Variants in RALA observed in about 807,000 individuals in gnomAD.
RALA encodes the protein ras-related protein Ral-A.
RALA carries 5 observed loss-of-function variants against 24.0 expected under a neutral mutation model. The observed-to-expected ratio is 0.21, with a 90% confidence interval of 0.11 to 0.44. The LOEUF is 0.44. Ranked by LOEUF, RALA falls within the 20% of genes least tolerant of loss-of-function variation. The pLI is 0.99. For missense variants in RALA, 95 were observed against 241.2 expected (o/e 0.39, Z 4.01); for synonymous variants, 77 against 83.8 (o/e 0.92, Z 0.44).
chr7:39,654,993 C>T (rs146282094), intron 1 of RALA, among the ~76,000 whole-genome samples: 46 of 152,364 alleles, frequency 3.0e-4, no homozygotes, highest in African/African-American at 1.1e-3. Flanking sequence ...AAGCAATCCT[C>T]CTGCTTTGGC....
chr7:39,688,558 G>A (rs188140623), intron 2 of RALA, among the ~76,000 whole-genome samples: 18 of 150,050 alleles, frequency 1.2e-4, no homozygotes, highest in Non-Finnish European at 2.5e-4. Context: ...GAAGCCAAAA[G>A]TAAGAATATT....
rs1288275125 is a variant in RALA, at chr7:39,707,350, T to C, written c.*1105T>C. On this transcript the variant is annotated 3_prime_UTR_variant, in exon 5 of 5. Transcript: ENST00000005257. ...TGCCATCTGTTCATTTCTAAATTTA[T>C]ATTCATAAAGTTACAGTTTGATACA... 1.3e-5 allele frequency: 2 copies of C among 152,232 alleles called. No homozygotes were observed. Among genetic ancestry groups the C allele is most frequent in the South Asian group, 2.1e-4 (1 of 4,830 alleles). The allele number at this position is 152,232 out of a possible 1,614,324, so 9.4% of individuals were successfully genotyped here.
chr7:39,636,650 G>T (rs1562607654), intron 1 of RALA, among the ~76,000 whole-genome samples: 1 of 152,138 alleles, frequency 6.6e-6, no homozygotes, highest in African/African-American at 2.4e-5. Flanking sequence ...TGTGTTTGAT[G>T]TTATACTAGT....
intron 4 of RALA, among the ~76,000 whole-genome samples, chr7:39,698,747 TGTG>T (rs752923192): frequency 5.3e-5 from 8 of 152,116 alleles, no homozygotes; most frequent in Non-Finnish European, 1.2e-4. Flanking sequence ...TAACAGTCCT[TGTG>T]GTGATCATCT....
At chr7:39,640,890 AT>A (rs1252085556) in intron 1 of RALA, among the ~76,000 whole-genome samples, 2 of 152,074 alleles carry the variant, frequency 1.3e-5, no homozygotes, top group Non-Finnish European at 2.9e-5. Flanking sequence ...GAATTTTGCC[AT>A]TTTTTTCCTC....
chr7:39,625,335 C>T (rs979932389), intron 1 of RALA, among the ~76,000 whole-genome samples: 1 of 152,150 alleles, frequency 6.6e-6, no homozygotes, highest in Non-Finnish European at 1.5e-5. Context: ...AACTTGTATT[C>T]TAGTGTTAAA....
intron 3 of RALA, 115 bp downstream of exon 3, chr7:39,690,705 G>T: frequency 1.3e-6 from 1 of 792,208 alleles, no homozygotes; most frequent in East Asian, 2.7e-5. Flanking sequence ...GTCTCTAATT[G>T]TGTTTATTCC....
In RALA at chr7:39,698,633, G is replaced by A. The variant is rs192347694; in HGVS notation, c.498+1774G>A. Among the ~76,000 whole-genome samples, 251 of 152,188 alleles carry A rather than the reference G, an allele frequency of 1.6e-3. 1 individual carries two copies. The highest frequency in any genetic ancestry group is 5.5e-3 in the African/African-American group (230 of 41,520). ...ATAGCATATATATACTTTTCTAATC[G>A]ATGTTTCGAGTAGGTTGTAGAACAC... On this transcript the variant is annotated intron_variant, in intron 4 of 4. Transcript: ENST00000005257.
chr7:39,655,119 T>A (rs1426928470), intron 1 of RALA, among the ~76,000 whole-genome samples: 1 of 152,244 alleles, frequency 6.6e-6, no homozygotes, highest in African/African-American at 2.4e-5. Context: ...AAAGTGATTC[T>A]TTCTTTACTG....
intron 1 of RALA, among the ~76,000 whole-genome samples, chr7:39,638,429 G>A (rs952503756): frequency 3.9e-5 from 6 of 152,114 alleles, no homozygotes; most frequent in African/African-American, 9.7e-5. Context: ...TTAATGTTAA[G>A]GCATGTGTCA....
At chr7:39,668,151 CAAT>C (rs1792316000) in intron 1 of RALA, among the ~76,000 whole-genome samples, 1 of 152,096 alleles carries the variant, frequency 6.6e-6, no homozygotes, top group Non-Finnish European at 1.5e-5. Flanking sequence ...TTAGAAATAA[CAAT>C]GAGATATTTT....
intron 1 of RALA, among the ~76,000 whole-genome samples, chr7:39,635,514 C>T (rs992162384): frequency 3.3e-5 from 5 of 152,118 alleles, no homozygotes; most frequent in Admixed American, 6.5e-5. Flanking sequence ...TTCTTCTGCC[C>T]CTCAGCCCCT....
chr7:39,648,104 A>G (rs1003299544), intron 1 of RALA, among the ~76,000 whole-genome samples: 1 of 152,232 alleles, frequency 6.6e-6, no homozygotes, highest in East Asian at 1.9e-4. Context: ...AGAGGCTGTC[A>G]TCATGTAAGC....
chr7:39,625,294 A>G (rs1791463469), intron 1 of RALA, among the ~76,000 whole-genome samples: 2 of 152,226 alleles, frequency 1.3e-5, no homozygotes, highest in Admixed American at 1.3e-4. Flanking sequence ...CTGAAAGGTT[A>G]AAATTATATT....
At chr7:39,632,301 A>G (rs949482492) in intron 1 of RALA, among the ~76,000 whole-genome samples, 2 of 152,022 alleles carry the variant, frequency 1.3e-5, no homozygotes, top group Non-Finnish European at 2.9e-5. Context: ...CTTCTTTTCC[A>G]GTGTTTATGC....
chr7:39,668,097 A>G (rs1792315251), intron 1 of RALA, among the ~76,000 whole-genome samples: 1 of 152,256 alleles, frequency 6.6e-6, no homozygotes, highest in African/African-American at 2.4e-5. Flanking sequence ...AATAAATACT[A>G]CATAGAAAAA....
At chr7:39,666,270 C>CT (rs1354636422) in intron 1 of RALA, among the ~76,000 whole-genome samples, 2 of 152,128 alleles carry the variant, frequency 1.3e-5, no homozygotes, top group African/African-American at 4.8e-5. Flanking sequence ...ACTTTACTCT[C>CT]TAAGTTATAT....
At chr7:39,670,998 G>A (rs1385017292) in intron 1 of RALA, among the ~76,000 whole-genome samples, 1 of 152,070 alleles carries the variant, frequency 6.6e-6, no homozygotes, top group Non-Finnish European at 1.5e-5. Flanking sequence ...CTTAAGCTAG[G>A]AAGTTTGTTG....
At chr7:39,674,078 T>C (rs1271052593) in intron 1 of RALA, among the ~76,000 whole-genome samples, 1 of 141,566 alleles carries the variant, frequency 7.1e-6, no homozygotes, top group Non-Finnish European at 1.6e-5. Context: ...AATAAATAAA[T>C]AAATAAATAA....
Sources: gnomAD v4.1 joint callset for allele counts (sites outside exome capture counted in the v4.1 genomes callset) on GRCh38, gnomAD v4.1.1 for gene constraint, MANE v1.5 for transcripts, NCBI Gene and HGNC (gene_info 2026-07-23, HGNC 2026-07-21) for gene names.